The following CTTNBP2NL variants were observed in gnomAD, a reference collection of about 807,000 sequenced individuals.
CTTNBP2NL encodes CTTNBP2 N-terminal like.
CTTNBP2NL carries 16 observed loss-of-function variants against 32.5 expected under a neutral mutation model. That is an observed-to-expected ratio of 0.49 (90% CI 0.33 to 0.75). CTTNBP2NL has a LOEUF of 0.75. Ranked by LOEUF, CTTNBP2NL falls within the 30% of genes least tolerant of loss-of-function variation. The pLI is 0.02. For missense variants in CTTNBP2NL, 645 were observed against 756.0 expected, an observed-to-expected ratio of 0.85 and a Z score of 1.72; for synonymous variants, 298 against 289.4, an observed-to-expected ratio of 1.03 and a Z score of -0.30.
chr1:112,406,729 AGTG>A (rs1317916550), intron 1 of CTTNBP2NL, among the ~76,000 whole-genome samples: 1 of 152,172 alleles, frequency 6.6e-6, no homozygotes, highest in Non-Finnish European at 1.5e-5. Flanking sequence ...AGAACTCTGA[AGTG>A]GTGGTGATTA....
chr1:112,439,590 G>A (rs930031425), intron 3 of CTTNBP2NL, among the ~76,000 whole-genome samples: 17 of 151,992 alleles, frequency 1.1e-4, no homozygotes, highest in African/African-American at 3.6e-4. Context: ...TGAAGTTTTC[G>A]GCACTGTCTG....
chr1:112,398,006 C>T (rs761237882), intron 1 of CTTNBP2NL, among the ~76,000 whole-genome samples: 1 of 152,178 alleles, frequency 6.6e-6, no homozygotes, highest in African/African-American at 2.4e-5. Context: ...AAAGAAGAAA[C>T]TGGAGGGTGT....
At chr1:112,391,695 G>T (rs1317597983), upstream of CTTNBP2NL, among the ~76,000 whole-genome samples, 1 of 152,036 alleles carries the variant, frequency 6.6e-6, no homozygotes, top group Non-Finnish European at 1.5e-5. Context: ...GCTTTCCCTT[G>T]TTTTAAAATC....
At chr1:112,408,860 C>T (rs934825416) in intron 1 of CTTNBP2NL, among the ~76,000 whole-genome samples, 7 of 152,104 alleles carry the variant, frequency 4.6e-5, no homozygotes, top group African/African-American at 7.2e-5. Context: ...GGCATGGTGG[C>T]TCACACCTAT....
intron 3 of CTTNBP2NL, among the ~76,000 whole-genome samples, chr1:112,425,407 G>A (rs550135366): frequency 1.3e-5 from 2 of 152,216 alleles, no homozygotes; most frequent in East Asian, 3.9e-4. Context: ...GGAGGCAAAG[G>A]TTGCAGTGAG....
At chr1:112,433,894 C>A (rs2101018503) in intron 3 of CTTNBP2NL, among the ~76,000 whole-genome samples, 1 of 150,108 alleles carries the variant, frequency 6.7e-6, no homozygotes, top group East Asian at 1.9e-4. Context: ...TTTACTGAGT[C>A]TCCTTTGTGG....
chr1:112,433,064 AT>A (rs1649614526), intron 3 of CTTNBP2NL, among the ~76,000 whole-genome samples: 1 of 151,726 alleles, frequency 6.6e-6, no homozygotes. Context: ...TTTTTCTTCC[AT>A]ATTCCTCTTA....
At chr1:112,391,133 T>C in the CTTNBP2NL span, among the ~76,000 whole-genome samples, 1 of 152,196 alleles carries the variant, frequency 6.6e-6, no homozygotes, top group African/African-American at 2.4e-5. Context: ...AGCAAATCCT[T>C]TGTGGGAACA....
At chr1:112,420,006 G>A (rs1649178194) in intron 3 of CTTNBP2NL, among the ~76,000 whole-genome samples, 1 of 152,156 alleles carries the variant, frequency 6.6e-6, no homozygotes, top group South Asian at 2.1e-4. Context: ...GGATATTAGG[G>A]TGGGAGCAGA....
intron 3 of CTTNBP2NL, among the ~76,000 whole-genome samples, chr1:112,428,189 A>G (rs988079132): frequency 4.6e-5 from 7 of 152,196 alleles, no homozygotes; most frequent in African/African-American, 1.7e-4. Flanking sequence ...CCTAGGTAGT[A>G]GAATCATATG....
At chr1:112,445,860 T>C (rs564141753) in intron 3 of CTTNBP2NL, among the ~76,000 whole-genome samples, 2 of 152,334 alleles carry the variant, frequency 1.3e-5, no homozygotes, top group South Asian at 2.1e-4. Context: ...TATATACTAC[T>C]CAAACCAGAG....
intron 5 of CTTNBP2NL, among the ~76,000 whole-genome samples, chr1:112,454,901 C>T (rs1650320007): frequency 1.3e-5 from 2 of 152,190 alleles, no homozygotes; most frequent in African/African-American, 4.8e-5. Flanking sequence ...AGCTCTCAAA[C>T]TTTTGACTTA....
Position 112,425,991 on chromosome 1 carries a change from GTGTGTGTGTGTGTC to G in CTTNBP2NL, c.99+9731_99+9744del, listed in dbSNP as rs1386107225. Among the ~76,000 whole-genome samples the G allele has an allele frequency of 8.7e-3, 1,181 of 134,998 alleles. 5 individuals are homozygous for G. Among genetic ancestry groups the G allele is most frequent in the Non-Finnish European group, 0.013 (773 of 60,224 alleles). The allele number at this position is 134,998 out of a possible 152,430, so 88.6% of individuals were successfully genotyped here. On this transcript the variant is annotated intron_variant, in intron 3 of 5. Coordinates refer to ENST00000271277, the MANE Select transcript of CTTNBP2NL (RefSeq NM_018704.3). ...TGTGTGTGTGTGTGTGTGTGTGTGTGTGTGTGTGTGTGTCTGTCTGTCTTACTACATTGGCTAGA... is the reference window on the plus strand; with the variant it reads ...TGTGTGTGTGTGTGTGTGTGTGTGTGTGTCTGTCTTACTACATTGGCTAGA...
chr1:112,457,269 C>G lies in CTTNBP2NL; in HGVS notation c.1777C>G (p.Pro593Ala), dbSNP rs370501962. ...PPKKPGLTPS[P>A]SATTPLTKTH... ...CAAGAAACCTGGCCTCACCCCTTCTCCATCTGCTACCACTCCATTGACCAA... is the reference window on the plus strand; with the variant it reads ...CAAGAAACCTGGCCTCACCCCTTCTGCATCTGCTACCACTCCATTGACCAA... The change falls in exon 6 of 6, where the codon CCA (proline) becomes GCA (alanine). Residue 593 changes from proline to alanine, a missense_variant. By Grantham distance (27) the Pro-to-Ala change is conservative. Coordinates refer to ENST00000271277, the MANE Select transcript of CTTNBP2NL (RefSeq NM_018704.3). The G allele has an allele frequency of 2.9e-5, 47 of 1,614,066 alleles. No homozygotes were observed. The highest frequency in any genetic ancestry group is 3.5e-5 in the Non-Finnish European group (41 of 1,180,046).
At chr1:112,423,071 G>A (rs1649277092) in intron 3 of CTTNBP2NL, among the ~76,000 whole-genome samples, 1 of 152,146 alleles carries the variant, frequency 6.6e-6, no homozygotes, top group African/African-American at 2.4e-5. Context: ...TGGGATTGTA[G>A]GCATAGTCAC....
intron 1 of CTTNBP2NL, among the ~76,000 whole-genome samples, chr1:112,397,041 CT>C (rs1294486847): frequency 6.6e-6 from 1 of 152,140 alleles, no homozygotes; most frequent in Non-Finnish European, 1.5e-5. Context: ...TTCATTTTTC[CT>C]TTTCCACCCT....
At chr1:112,450,767 C>CTTTT (rs34309573) in intron 4 of CTTNBP2NL, among the ~76,000 whole-genome samples, 7 of 133,902 alleles carry the variant, frequency 5.2e-5, no homozygotes, top group African/African-American at 1.9e-4. Context: ...CCTATCTATT[C>CTTTT]TTTTTTTTTT....
intron 2 of CTTNBP2NL, 110 bp from the exon 3 acceptor site, chr1:112,416,047 A>T (rs1649051634): frequency 1.5e-6 from 1 of 660,078 alleles, no homozygotes; most frequent in South Asian, 1.8e-5. Flanking sequence ...TATTTCCTTT[A>T]TTAAGGCATT....
chr1:112,403,405 TC>T (rs1466524579), intron 1 of CTTNBP2NL, among the ~76,000 whole-genome samples: 1 of 111,310 alleles, frequency 9.0e-6, no homozygotes, highest in African/African-American at 5.6e-5. Flanking sequence ...TTTTTCAGTA[TC>T]TGAACCAGAC....
Sources: allele counts gnomAD v4.1 joint callset (sites outside exome capture counted in the v4.1 genomes callset), GRCh38; gene constraint gnomAD v4.1.1; transcripts MANE v1.5; gene names NCBI Gene and HGNC (gene_info 2026-07-23, HGNC 2026-07-21).